Variants in RAB3IP observed in about 807,000 individuals in gnomAD.
RAB3IP encodes rab-3A-interacting protein.
Under a neutral mutation model 59.1 loss-of-function variants are expected in RAB3IP, and 36 were observed. The observed-to-expected ratio is 0.61, with a 90% CI of 0.47 to 0.80. The LOEUF is 0.80. Ranked by LOEUF, RAB3IP falls within the 30% of genes least tolerant of loss-of-function variation. RAB3IP has a pLI of 0.00. For synonymous variants in RAB3IP, 207 were observed against 191.2 expected (o/e 1.08, Z -0.68); for missense variants, 511 against 536.0 (o/e 0.95, Z 0.46).
intron 1 of RAB3IP, among the ~76,000 whole-genome samples, chr12:69,742,590 T>C (rs1177308829): frequency 6.6e-6 from 1 of 152,200 alleles, no homozygotes; most frequent in Non-Finnish European, 1.5e-5. Context: ...CCTCATTTTA[T>C]AGCTTTAACA....
upstream of RAB3IP, chr12:69,738,460 G>A (rs1485880184): frequency 6.6e-6 from 1 of 152,222 alleles, no homozygotes; most frequent in Non-Finnish European, 1.5e-5. Flanking sequence ...AGGTGTATAT[G>A]GCCGCGGAGT....
intron 3 of RAB3IP, among the ~76,000 whole-genome samples, chr12:69,763,388 G>GA (rs1871677619): frequency 6.6e-6 from 1 of 152,150 alleles, no homozygotes; most frequent in South Asian, 2.1e-4. Context: ...TGGCCCTCCA[G>GA]AAAATCAACC....
intron 3 of RAB3IP, chr12:69,779,098 T>A (rs1874155657): frequency 8.8e-6 from 1 of 114,056 alleles, no homozygotes; most frequent in Non-Finnish European, 1.8e-5. Context: ...CTGAGCCAGG[T>A]GTGGGATATA....
chr12:69,756,366 A>G (rs779299267), intron 2 of RAB3IP, 39 bp from the exon 3 acceptor site: 16 of 1,602,820 alleles, frequency 1.0e-5, no homozygotes, highest in African/African-American at 2.7e-5. Flanking sequence ...ATTGGAGCAT[A>G]TGCTGATATT....
chr12:69,801,573 C>A, intron 7 of RAB3IP, 36 bp from the exon 8 acceptor site: 1 of 1,032,292 alleles, frequency 9.7e-7, no homozygotes, highest in Non-Finnish European at 1.4e-6. Context: ...ATTTTTCTGC[C>A]AGTATAGCAT....
At chr12:69,803,110 A>G (rs116844269) in intron 8 of RAB3IP, among the ~76,000 whole-genome samples, 2,390 of 152,284 alleles carry the variant, frequency 0.016, 22 homozygotes, top group South Asian at 0.033. Context: ...TGCTTGCATT[A>G]TATATCACAT....
At chr12:69,746,124 G>C (rs1868333664) in intron 1 of RAB3IP, among the ~76,000 whole-genome samples, 1 of 152,172 alleles carries the variant, frequency 6.6e-6, no homozygotes, top group Non-Finnish European at 1.5e-5. Context: ...CTTGGCATTA[G>C]ATCAGACAGT....
chr12:69,811,376 G>C (rs114722985), intron 8 of RAB3IP, among the ~76,000 whole-genome samples: 1 of 152,104 alleles, frequency 6.6e-6, no homozygotes, highest in Non-Finnish European at 1.5e-5. Flanking sequence ...ACACCCTGCA[G>C]TTGTACTCCT....
intron 1 of RAB3IP, among the ~76,000 whole-genome samples, chr12:69,744,772 A>G (rs1868260060): frequency 6.6e-6 from 1 of 152,014 alleles, no homozygotes; most frequent in African/African-American, 2.4e-5. Context: ...AAAATTGTGT[A>G]GCCTGATTGA....
chr12:69,773,097 G>A (rs1873421640), intron 3 of RAB3IP, among the ~76,000 whole-genome samples: 1 of 152,028 alleles, frequency 6.6e-6, no homozygotes, highest in Non-Finnish European at 1.5e-5. Context: ...TTTTCCTTCA[G>A]CTTTCTGAAT....
chr12:69,809,871 A>T (rs1358537537), intron 8 of RAB3IP, among the ~76,000 whole-genome samples: 1 of 151,964 alleles, frequency 6.6e-6, no homozygotes, highest in Non-Finnish European at 1.5e-5. Context: ...AGAGAGTTTG[A>T]TCTTCTGAAG....
At chr12:69,797,982 A>G (rs375767831) in intron 6 of RAB3IP, among the ~76,000 whole-genome samples, 6,312 of 152,254 alleles carry the variant, frequency 0.041, 135 homozygotes, top group Non-Finnish European at 0.048. Flanking sequence ...CGCAATAAAC[A>G]TACGTGTGCG....
At chr12:69,768,832 G>A (rs1471959614) in intron 3 of RAB3IP, among the ~76,000 whole-genome samples, 1 of 152,058 alleles carries the variant, frequency 6.6e-6, no homozygotes, top group Non-Finnish European at 1.5e-5. Context: ...TCCAATCTCT[G>A]TCCTAAGACT....
chr12:69,806,042 CTATT>C (rs1299372839), intron 8 of RAB3IP, among the ~76,000 whole-genome samples: 5 of 152,122 alleles, frequency 3.3e-5, no homozygotes, highest in African/African-American at 1.2e-4. Context: ...CCCTCTTTTT[CTATT>C]TATTGGAATA....
Position 69,819,347 on chromosome 12 carries a change from G to C in RAB3IP, c.*3901G>C, listed in dbSNP as rs914612726. The C allele has an allele frequency of 2.1e-5, 3 of 145,124 alleles. No individual in the cohort carries two copies. The highest frequency in any genetic ancestry group is 7.3e-5 in the African/African-American group (3 of 41,206). 9.0% of individuals were successfully genotyped at this position (145,124 alleles called of 1,614,324 possible). A position where few individuals can be genotyped will look rare whatever the true frequency, so the allele number is the denominator to read the frequency against. ...GAAATACATGGTGGGGAAAGTTTGGGTATGTGCATAACAGAGACAGAAATT... is the reference window on the plus strand; with the variant it reads ...GAAATACATGGTGGGGAAAGTTTGGCTATGTGCATAACAGAGACAGAAATT... On this transcript the variant is annotated 3_prime_UTR_variant, in exon 11 of 11. Coordinates refer to ENST00000247833, the MANE Select transcript of RAB3IP (RefSeq NM_022456.5).
chr12:69,757,737 A>G (rs1005064695), intron 3 of RAB3IP, among the ~76,000 whole-genome samples: 2 of 152,126 alleles, frequency 1.3e-5, no homozygotes, highest in African/African-American at 2.4e-5. Flanking sequence ...TTCCTTCCCA[A>G]AGGAAAAGGA....
At chr12:69,750,499 T>G (rs1455462050) in intron 1 of RAB3IP, among the ~76,000 whole-genome samples, 1 of 151,996 alleles carries the variant, frequency 6.6e-6, no homozygotes, top group Non-Finnish European at 1.5e-5. Flanking sequence ...GCCCACAGAT[T>G]GTGTTTAGTT....
rs762370440 is a variant in RAB3IP at position 69,800,354 on chromosome 12, T to G, written c.1017+17T>G. On this transcript the variant is annotated intron_variant, in intron 7 of 10. Coordinates refer to ENST00000247833, the MANE Select transcript of RAB3IP (RefSeq NM_022456.5). The stretch of plus-strand genomic sequence containing the variant: ...AAAAGTGAGGTAATTTTTTTTCATT[T>G]TAGTAGGAATTCATTATAGTTGTTT... 9 of 1,462,996 alleles carry G rather than the reference T, an allele frequency of 6.2e-6. No homozygotes were observed. The highest frequency in any genetic ancestry group is 8.4e-6 in the Non-Finnish European group (9 of 1,070,074). 90.6% of individuals were successfully genotyped at this position (1,462,996 alleles called of 1,614,324 possible).
At position 69,818,469 on chromosome 12, in the gene RAB3IP, A is replaced by G. The variant is rs1050657045; in HGVS notation, c.*3023A>G. On this transcript the variant is annotated 3_prime_UTR_variant, in exon 11 of 11. Transcript: ENST00000247833. ...TACCTTAAAAAAAAAAAAAAAGTAT[A>G]CCCATGGGTCAGCAATTTCACTTTT... 2.6e-5 allele frequency: 4 copies of G among 151,762 alleles called. No homozygotes were observed. The highest frequency in any genetic ancestry group is 4.4e-5 in the Non-Finnish European group (3 of 67,970). The allele number at this position is 151,762 out of a possible 1,614,324, so 9.4% of individuals were successfully genotyped here. A position where few individuals can be genotyped will look rare whatever the true frequency, so the allele number is the denominator to read the frequency against.
Sources: gnomAD v4.1 joint callset for allele counts (sites outside exome capture counted in the v4.1 genomes callset) on GRCh38, gnomAD v4.1.1 for gene constraint, MANE v1.5 for transcripts, NCBI Gene and HGNC (gene_info 2026-07-23, HGNC 2026-07-21) for gene names.